NRIP2: variants seen among roughly 807,000 people sequenced by gnomAD.
NRIP2 encodes nuclear receptor-interacting protein 2.
A neutral mutation model predicts 34.1 loss-of-function variants in NRIP2; 27 were observed. That is an observed-to-expected ratio of 0.79 (90% CI 0.58 to 1.09). The LOEUF (loss-of-function observed/expected upper bound fraction) is 1.09, where lower values mean the gene tolerates loss of function less well. NRIP2 is among the 50% of genes least tolerant of loss of function. The pLI is 0.00. For synonymous variants in NRIP2, 145 were observed against 146.9 expected, an observed-to-expected ratio of 0.99 and a Z score of 0.09; for missense variants, 385 against 352.6, an observed-to-expected ratio of 1.09 and a Z score of -0.74.
At chr12:2,828,304 C>A (rs1387867942) in intron 3 of NRIP2, 28 bp downstream of exon 3, 2 of 1,597,546 alleles carry the variant, frequency 1.3e-6, no homozygotes, top group Non-Finnish European at 1.7e-6. Context: ...CCCTGTCCCC[C>A]ACTTGCTTGT....
At chr12:2,828,567 C>T (rs1223078354) in intron 2 of NRIP2, among the ~76,000 whole-genome samples, 153 bp from the exon 3 acceptor site, 5 of 152,154 alleles carry the variant, frequency 3.3e-5, no homozygotes, top group African/African-American at 7.2e-5. Context: ...GGGCCAGGCG[C>T]GGTAGCTCAC....
At chr12:2,832,492 T>G (rs976410560) in intron 1 of NRIP2, among the ~76,000 whole-genome samples, 1 of 151,888 alleles carries the variant, frequency 6.6e-6, no homozygotes, top group Non-Finnish European at 1.5e-5. Flanking sequence ...TTAACACACT[T>G]TATTTGAGAG....
chr12:2,827,122 T>A lies in NRIP2; in HGVS notation c.*85A>T. On this transcript the variant is annotated 3_prime_UTR_variant, in exon 6 of 6. Transcript: ENST00000337508. This position sits in a 1 kb window ranked among gnomAD's most constrained non-coding sequence, Gnocchi z 4.0. ...AAGGGCAGACACCATAGTCCCCAGCTACCTGGCTTCAAGAGCCCCCGTTCC... is the reference window on the plus strand; with the variant it reads ...AAGGGCAGACACCATAGTCCCCAGCAACCTGGCTTCAAGAGCCCCCGTTCC... 6.3e-7 allele frequency: 1 copy of A among 1,595,222 alleles called. No homozygotes were observed.
At chr12:2,833,000 A>C (rs376582342) in intron 1 of NRIP2, among the ~76,000 whole-genome samples, 1 of 151,892 alleles carries the variant, frequency 6.6e-6, no homozygotes, top group Non-Finnish European at 1.5e-5. Context: ...CGATGAACAC[A>C]GGCTTCAGGC....
At chr12:2,828,934 C>T (rs932882760) in intron 2 of NRIP2, among the ~76,000 whole-genome samples, 6 of 151,980 alleles carry the variant, frequency 3.9e-5, no homozygotes, top group East Asian at 1.9e-4. Context: ...GGACCAGGTG[C>T]GGTGGCTCAT....
At position 2,827,152 on chromosome 12, in the gene NRIP2, A is replaced by G; in HGVS notation, c.*55T>C. 6.2e-7 allele frequency: 1 copy of G among 1,612,168 alleles called. No individual in the cohort carries two copies. The highest frequency in any genetic ancestry group is 8.5e-7 in the Non-Finnish European group (1 of 1,179,316). ...GGCTTCAAGAGCCCCCGTTCCCCAC[A>G]CGCCTCTTCTTCTAAGGCAAGGTCT... On this transcript the variant is annotated 3_prime_UTR_variant, in exon 6 of 6. Transcript: ENST00000337508. The surrounding 1 kb of genome is among the most constrained non-coding windows in gnomAD (Gnocchi z 4.0).
At position 2,826,227 on chromosome 12, in the gene NRIP2, T is replaced by G. The variant is rs1487504663; in HGVS notation, c.*980A>C. On this transcript the variant is annotated 3_prime_UTR_variant, in exon 6 of 6. Transcript: ENST00000337508. ...TTTAAAAAAAAAAAAAAAGCCTCTGTCTTTTTGCTTTGGCAAAGCCTGGCA... is the reference window on the plus strand; with the variant it reads ...TTTAAAAAAAAAAAAAAAGCCTCTGGCTTTTTGCTTTGGCAAAGCCTGGCA... 6.7e-6 allele frequency: 1 copy of G among 150,204 alleles called. No homozygotes were observed. Among genetic ancestry groups the G allele is most frequent in the Non-Finnish European group, 1.5e-5 (1 of 67,752 alleles). 9.3% of individuals were successfully genotyped at this position (150,204 alleles called of 1,614,324 possible).
At position 2,827,445 on chromosome 12, in the gene NRIP2, AG is replaced by A; in HGVS notation, c.754-147del. On this transcript the variant is annotated intron_variant, in intron 5 of 5. Transcript: ENST00000337508. The surrounding 1 kb of genome is among the most constrained non-coding windows in gnomAD (Gnocchi z 4.0). Reference sequence around the variant, plus strand: ...CCCCATTTCCCTAGACTCCTGTTGAAGGGGGTGACCCAGTTCTCTTGATTTT... The same window carrying A: ...CCCCATTTCCCTAGACTCCTGTTGAAGGGGTGACCCAGTTCTCTTGATTTT... 1 of 1,527,158 alleles carries A rather than the reference AG, an allele frequency of 6.5e-7. No homozygotes were observed. The highest frequency in any genetic ancestry group is 8.7e-7 in the Non-Finnish European group (1 of 1,144,828). 94.6% of individuals were successfully genotyped at this position (1,527,158 alleles called of 1,614,324 possible). A position where few individuals can be genotyped will look rare whatever the true frequency, so the allele number is the denominator to read the frequency against.
At chr12:2,828,143 C>T (rs778542357) in intron 3 of NRIP2, 96 bp from the exon 4 acceptor site, 26 of 1,273,328 alleles carry the variant, frequency 2.0e-5, no homozygotes, top group Middle Eastern at 1.9e-4. Flanking sequence ...GTTTCATCTC[C>T]AACCCCTGAC....
chr12:2,829,625 G>T (rs187243765), intron 2 of NRIP2, among the ~76,000 whole-genome samples: 1 of 151,960 alleles, frequency 6.6e-6, no homozygotes, highest in Non-Finnish European at 1.5e-5. Context: ...GAATTAGCCA[G>T]CTGTGGTGGC....
At chr12:2,833,913 G>A (rs541867809) in intron 1 of NRIP2, among the ~76,000 whole-genome samples, 1 of 152,234 alleles carries the variant, frequency 6.6e-6, no homozygotes, top group Non-Finnish European at 1.5e-5. Flanking sequence ...GCAGAGCCAG[G>A]ATCTGATCCC....
intron 2 of NRIP2, chr12:2,830,445 G>A (rs1248622358): frequency 1.0e-5 from 4 of 396,374 alleles, no homozygotes; most frequent in Non-Finnish European, 1.8e-5. Flanking sequence ...AGCACACTGA[G>A]GAGTACTTAC....
chr12:2,829,787 C>T (rs1439274215), intron 2 of NRIP2, among the ~76,000 whole-genome samples: 6 of 146,406 alleles, frequency 4.1e-5, no homozygotes, highest in Non-Finnish European at 6.0e-5. Context: ...ACAAAAGGAC[C>T]GGAAAAGTCG....
intron 2 of NRIP2, among the ~76,000 whole-genome samples, chr12:2,829,512 A>G (rs2097989114): frequency 6.6e-6 from 1 of 152,150 alleles, no homozygotes; most frequent in South Asian, 2.1e-4. Flanking sequence ...GCTCACACCT[A>G]TCTATAATCC....
At position 2,828,357 on chromosome 12, in the gene NRIP2, A is replaced by G. The variant is rs746329204; in HGVS notation, c.553T>C (p.Ser185Pro). 17 of 1,614,056 alleles carry G rather than the reference A, an allele frequency of 1.1e-5. No homozygotes were observed. Among genetic ancestry groups the G allele is most frequent in the African/African-American group, 2.7e-5 (2 of 74,920 alleles). Residue 185 changes from serine to proline, a missense_variant, in exon 3 of 6, where the codon TCT becomes CCT. Ser to Pro is a moderately conservative substitution (Grantham distance 74, BLOSUM62 -1). Transcript: ENST00000337508. ...VDTGTQYNRI[S>P]AGCLSRLGLE... ...CCCAGGCGGCTGAGACATCCAGCAG[A>G]GATCCGATTGTATTGGGTGCCTGTG...
At chr12:2,830,006 G>T (rs1423223399) in intron 2 of NRIP2, among the ~76,000 whole-genome samples, 1 of 151,690 alleles carries the variant, frequency 6.6e-6, no homozygotes, top group African/African-American at 2.4e-5. Context: ...GAACCCAGGA[G>T]GCAGAGGCTG....
chr12:2,827,390 G>T lies in NRIP2; in HGVS notation c.754-91C>A. 6.5e-7 allele frequency: 1 copy of T among 1,528,028 alleles called. No homozygotes were observed. 94.7% of individuals were successfully genotyped at this position (1,528,028 alleles called of 1,614,324 possible). A position where few individuals can be genotyped will look rare whatever the true frequency, so the allele number is the denominator to read the frequency against. On this transcript the variant is annotated intron_variant, in intron 5 of 5. Coordinates refer to ENST00000337508, the MANE Select transcript of NRIP2 (RefSeq NM_031474.3). The surrounding 1 kb of genome is among the most constrained non-coding windows in gnomAD (Gnocchi z 4.0). ...TTTGTTCCCCCTCCCACTTCCCACAGCTTCCACCTGCCTTTTGCTCTTCCC... is the reference window on the plus strand; with the variant it reads ...TTTGTTCCCCCTCCCACTTCCCACATCTTCCACCTGCCTTTTGCTCTTCCC...
rs370593090 is a variant in NRIP2, at chr12:2,828,308, T to C, written c.578+24A>G. On this transcript the variant is annotated intron_variant, in intron 3 of 5. Coordinates refer to ENST00000337508, the MANE Select transcript of NRIP2 (RefSeq NM_031474.3). Reference sequence around the variant, plus strand: ...CCAAAAAGAAACCCTGTCCCCCACTTGCTTGTTTGGGCCACATTCTTACCC... The same window carrying C: ...CCAAAAAGAAACCCTGTCCCCCACTCGCTTGTTTGGGCCACATTCTTACCC... 20 of 1,606,980 alleles carry C rather than the reference T, an allele frequency of 1.2e-5. No individual in the cohort carries two copies. The African/African-American group carries it at 2.7e-4, about 22-fold the overall frequency.
chr12:2,827,316 A>G lies in NRIP2; in HGVS notation c.754-17T>C. The G allele has an allele frequency of 6.2e-7, 1 of 1,606,542 alleles. No individual in the cohort carries two copies. The highest frequency in any genetic ancestry group is 2.2e-5 in the East Asian group (1 of 44,696). ...GATGCAGCACTGCGGGGTGTAGAGCAGTCATGCCAGGTCACCTCAGCCCGC... is the reference window on the plus strand; with the variant it reads ...GATGCAGCACTGCGGGGTGTAGAGCGGTCATGCCAGGTCACCTCAGCCCGC... On this transcript the variant is annotated splice_polypyrimidine_tract_variant and intron_variant, in intron 5 of 5. Coordinates refer to ENST00000337508, the MANE Select transcript of NRIP2 (RefSeq NM_031474.3). This position sits in a 1 kb window ranked among gnomAD's most constrained non-coding sequence, Gnocchi z 4.0.
Sources: allele counts gnomAD v4.1 joint callset (sites outside exome capture counted in the v4.1 genomes callset), GRCh38; gene constraint gnomAD v4.1.1; non-coding constraint Gnocchi (gnomAD v3.1); transcripts MANE v1.5; gene names NCBI Gene and HGNC (gene_info 2026-07-23, HGNC 2026-07-21).